The following ANO4 variants were observed in gnomAD, a reference collection of about 807,000 sequenced individuals.
ANO4 encodes anoctamin-4.
Under a neutral mutation model 141.9 loss-of-function variants are expected in ANO4, and 69 were observed. The ratio of observed to expected loss-of-function variants is 0.49; its 90% CI spans 0.40 to 0.59. ANO4 has a LOEUF of 0.59. Ranked by LOEUF, ANO4 falls within the 20% of genes least tolerant of loss-of-function variation. The probability of loss-of-function intolerance (pLI) is 0.00; values close to 1 mark genes in which losing one functional copy is unlikely to be tolerated. For missense variants in ANO4, 894 were observed against 1,162.2 expected (o/e 0.77, Z 3.36); for synonymous variants, 350 against 394.3 (o/e 0.89, Z 1.33).
At chr12:100,734,703 AC>A (rs2031531560) in intron 2 of ANO4, among the ~76,000 whole-genome samples, 1 of 148,122 alleles carries the variant, frequency 6.8e-6, no homozygotes, top group Non-Finnish European at 1.5e-5. Context: ...AATCCTATAT[AC>A]TCTTAAACAC....
intron 26 of ANO4, among the ~76,000 whole-genome samples, chr12:101,122,139 G>A (rs2051122849): frequency 6.6e-6 from 1 of 152,134 alleles, no homozygotes; most frequent in Non-Finnish European, 1.5e-5. Context: ...AATTTCCTTA[G>A]AGATTCTGAG....
intron 1 of ANO4, among the ~76,000 whole-genome samples, chr12:100,850,656 C>T (rs2037815926): frequency 6.6e-6 from 1 of 152,032 alleles, no homozygotes; most frequent in Non-Finnish European, 1.5e-5. Context: ...AAGTAAGAGT[C>T]ATTTTTTTCT....
chr12:100,739,280 AC>A (rs2031761348), intron 2 of ANO4, among the ~76,000 whole-genome samples: 1 of 151,834 alleles, frequency 6.6e-6, no homozygotes. Context: ...CATGTCTCAG[AC>A]CCTATCCCTA....
At chr12:101,036,718 C>G (rs1210505862) in intron 9 of ANO4, among the ~76,000 whole-genome samples, 1 of 152,054 alleles carries the variant, frequency 6.6e-6, no homozygotes, top group Non-Finnish European at 1.5e-5. Flanking sequence ...AGGTGTTGAT[C>G]AAAGAGTATA....
intron 2 of ANO4, among the ~76,000 whole-genome samples, chr12:100,912,117 C>T (rs1025291453): frequency 3.9e-5 from 6 of 151,914 alleles, no homozygotes; most frequent in African/African-American, 9.7e-5. Flanking sequence ...CTTATGTGGC[C>T]GGGCGCGGTG....
intron 14 of ANO4, among the ~76,000 whole-genome samples, chr12:101,058,046 G>T (rs536300066): frequency 7.2e-5 from 11 of 152,160 alleles, no homozygotes; most frequent in Non-Finnish European, 1.3e-4. Flanking sequence ...TGAATAAAGT[G>T]TAAGGAAGGG....
intron 1 of ANO4, among the ~76,000 whole-genome samples, chr12:100,723,024 T>C (rs1240467597): frequency 6.6e-6 from 1 of 152,072 alleles, no homozygotes; most frequent in Non-Finnish European, 1.5e-5. Flanking sequence ...CTTGTTATTA[T>C]GCAAGCAAGA....
intron 3 of ANO4, among the ~76,000 whole-genome samples, chr12:100,785,465 T>G (rs1192464822): frequency 1.3e-5 from 2 of 152,222 alleles, no homozygotes; most frequent in East Asian, 1.9e-4. Flanking sequence ...GTTTTGCCTT[T>G]TCTAGACTGT....
chr12:100,750,298 ATT>A (rs1174885460), intron 3 of ANO4, among the ~76,000 whole-genome samples: 19 of 135,338 alleles, frequency 1.4e-4, no homozygotes, highest in Admixed American at 1.5e-4. Flanking sequence ...CACCTGGCTA[ATT>A]TTTTTTTTTT....
upstream of ANO4, among the ~76,000 whole-genome samples, chr12:100,793,031 G>A (rs1201806564): frequency 6.6e-6 from 1 of 152,166 alleles, no homozygotes; most frequent in African/African-American, 2.4e-5. Flanking sequence ...CTCATGGATT[G>A]GTTTAATCTG....
In ANO4 at chr12:101,128,607, A is replaced by AAAAT. The variant is rs2051423097; in HGVS notation, c.*756_*759dup. On this transcript the variant is annotated 3_prime_UTR_variant, in exon 28 of 28. Coordinates refer to ENST00000392977, the MANE Select transcript of ANO4 (RefSeq NM_001286615.2). ...TGTATAATGTGATGCAATAAAATTT[A>AAAAT]AAATAAATTTCTGCACATGGAATAT... 6.5e-6 allele frequency: 1 copy of AAAAT among 152,674 alleles called. No individual in the cohort carries two copies. Among genetic ancestry groups the AAAAT allele is most frequent in the South Asian group, 2.1e-4 (1 of 4,830 alleles). 9.5% of individuals were successfully genotyped at this position (152,674 alleles called of 1,614,324 possible).
At chr12:100,868,706 T>C (rs532655454) in intron 1 of ANO4, among the ~76,000 whole-genome samples, 3 of 151,976 alleles carry the variant, frequency 2.0e-5, no homozygotes, top group South Asian at 2.1e-4. Context: ...CTTGTGGGAG[T>C]TGTGGTTAGA....
chr12:100,765,953 A>G (rs999434255), intron 3 of ANO4, among the ~76,000 whole-genome samples: 2 of 151,832 alleles, frequency 1.3e-5, no homozygotes, highest in Non-Finnish European at 2.9e-5. Flanking sequence ...TCACCATGCT[A>G]TATAATAAAT....
intron 2 of ANO4, among the ~76,000 whole-genome samples, chr12:100,904,198 C>T (rs2040732324): frequency 6.6e-6 from 1 of 152,114 alleles, no homozygotes; most frequent in African/African-American, 2.4e-5. Context: ...ATTTTTCTGC[C>T]TGCCTTTCTT....
intron 3 of ANO4, among the ~76,000 whole-genome samples, chr12:100,927,631 T>C (rs1056966590): frequency 1.3e-5 from 2 of 152,156 alleles, no homozygotes; most frequent in Admixed American, 1.3e-4. Context: ...ATTAGCTGGC[T>C]ACTGTGAAGC....
intron 1 of ANO4, among the ~76,000 whole-genome samples, chr12:100,878,507 A>G (rs1404583846): frequency 6.6e-6 from 1 of 152,228 alleles, no homozygotes; most frequent in Non-Finnish European, 1.5e-5. Flanking sequence ...AATGATGTTA[A>G]TATTTAAAAA....
intron 5 of ANO4, among the ~76,000 whole-genome samples, chr12:100,970,843 C>T (rs1439944877): frequency 6.6e-6 from 1 of 152,086 alleles, no homozygotes; most frequent in African/African-American, 2.4e-5. Flanking sequence ...CTCAGCCTCC[C>T]CAGTACCTGG....
At position 101,053,495 on chromosome 12, in the gene ANO4, G is replaced by T. The variant is rs562364241; in HGVS notation, c.1312+5094G>T. 3.3e-5 allele frequency among the ~76,000 whole-genome samples: 5 copies of T among 152,282 alleles called. No homozygotes were observed. In the East Asian group the frequency reaches 9.6e-4, roughly 29 times the overall value. On this transcript the variant is annotated intron_variant, in intron 14 of 27. Transcript: ENST00000392977. ...GTGTCAGTGGGATTCTGAGGGCTGT[G>T]AGGGAAGGATCTGTTCCATGCCAGT...
chr12:101,092,584 T>C (rs1159940621), intron 17 of ANO4, among the ~76,000 whole-genome samples: 2 of 152,172 alleles, frequency 1.3e-5, no homozygotes, highest in African/African-American at 4.8e-5. Context: ...TGTCTCACAG[T>C]CCATATCCTT....
Sources: allele counts gnomAD v4.1 joint callset (sites outside exome capture counted in the v4.1 genomes callset), GRCh38; gene constraint gnomAD v4.1.1; transcripts MANE v1.5; gene names NCBI Gene and HGNC (gene_info 2026-07-23, HGNC 2026-07-21).